Variants in MIPOL1 observed in about 807,000 individuals in gnomAD.
MIPOL1 encodes mirror-image polydactyly gene 1 protein.
In MIPOL1, 57 loss-of-function variants were observed where a neutral mutation model predicts 60.9. That is an observed-to-expected ratio of 0.94 (90% CI 0.76 to 1.17). The LOEUF (loss-of-function observed/expected upper bound fraction) is 1.17, where lower values mean the gene tolerates loss of function less well. MIPOL1 is among the 50% of genes most tolerant of loss of function. MIPOL1 has a pLI of 0.00. For synonymous variants in MIPOL1, 179 were observed against 168.8 expected (o/e 1.06, Z -0.47); for missense variants, 551 against 511.6 (o/e 1.08, Z -0.74).
intron 9 of MIPOL1, among the ~76,000 whole-genome samples, chr14:37,354,186 G>A (rs1334906075): frequency 6.6e-6 from 1 of 151,560 alleles, no homozygotes; most frequent in Non-Finnish European, 1.5e-5. Flanking sequence ...TTCAGGAGCA[G>A]GTTGTTCAGT....
At chr14:37,453,650 A>G (rs1445202000) in intron 11 of MIPOL1, among the ~76,000 whole-genome samples, 1 of 152,166 alleles carries the variant, frequency 6.6e-6, no homozygotes, top group Non-Finnish European at 1.5e-5. Flanking sequence ...TGCCCAAAAA[A>G]GGTACTCACT....
chr14:37,466,645 A>T (rs973643393), intron 11 of MIPOL1, among the ~76,000 whole-genome samples: 13 of 152,176 alleles, frequency 8.5e-5, no homozygotes, highest in Admixed American at 1.3e-4. Flanking sequence ...CATTCTTGTC[A>T]AATCTTTTCG....
Position 37,285,884 on chromosome 14 carries a change from G to A in MIPOL1, c.623+437G>A, listed in dbSNP as rs147127545. ...TGAGATTAGAGGCATGAGCCACCGC[G>A]CCCGGCCTCTCCAGTCTTTTTCTAA... is the stretch of plus-strand genomic sequence containing the variant. On this transcript the variant is annotated intron_variant, in intron 7 of 12. Coordinates refer to ENST00000684589, the MANE Select transcript of MIPOL1 (RefSeq NM_001388067.1). 6.4e-3 allele frequency among the ~76,000 whole-genome samples: 976 copies of A among 152,088 alleles called. 10 individuals are homozygous for A. Among genetic ancestry groups the A allele is most frequent in the African/African-American group, 0.022 (932 of 41,496 alleles).
chr14:37,284,535 G>A (rs2084388950), intron 6 of MIPOL1, among the ~76,000 whole-genome samples: 1 of 151,900 alleles, frequency 6.6e-6, no homozygotes, highest in Admixed American at 6.6e-5. Flanking sequence ...AGTAGAGACG[G>A]GGTTTCACCA....
At chr14:37,274,416 C>T (rs190649938) in intron 6 of MIPOL1, among the ~76,000 whole-genome samples, 1 of 151,440 alleles carries the variant, frequency 6.6e-6, no homozygotes, top group East Asian at 1.9e-4. Context: ...GTCATTGTCA[C>T]CATCATTGAT....
At chr14:37,199,014 A>T (rs1964790144) in intron 1 of MIPOL1, among the ~76,000 whole-genome samples, 1 of 152,238 alleles carries the variant, frequency 6.6e-6, no homozygotes, top group Non-Finnish European at 1.5e-5. Context: ...AGGAATCAAG[A>T]CATGTCATTG....
At chr14:37,501,532 A>C (rs1335679668) in intron 12 of MIPOL1, 1 of 152,204 alleles carries the variant, frequency 6.6e-6, no homozygotes, top group Non-Finnish European at 1.5e-5. Flanking sequence ...ATCAACTATC[A>C]TCATCATTTC....
rs1433970179 is a variant in MIPOL1 at position 37,549,073 on chromosome 14, A to G, written c.*2102A>G. On this transcript the variant is annotated 3_prime_UTR_variant, in exon 13 of 13. Transcript: ENST00000684589. ...TTCTTACACTTAAAAGTGTCCATCA[A>G]CAGTGTGTCAGATGGTCTTTATATA... is the stretch of plus-strand genomic sequence containing the variant. 6.6e-6 allele frequency: 1 copy of G among 151,958 alleles called. No individual in the cohort carries two copies. Among genetic ancestry groups the G allele is most frequent in the Non-Finnish European group, 1.5e-5 (1 of 67,830 alleles). The allele number at this position is 151,958 out of a possible 1,614,324, so 9.4% of individuals were successfully genotyped here.
chr14:37,472,590 T>C (rs1184759154), intron 11 of MIPOL1, among the ~76,000 whole-genome samples: 6 of 152,156 alleles, frequency 3.9e-5, no homozygotes, highest in Non-Finnish European at 8.8e-5. Context: ...ACTAAGTGTC[T>C]TCACTGAAAA....
In MIPOL1 at chr14:37,270,459, A is replaced by G. The variant is rs1027840414; in HGVS notation, c.427A>G (p.Lys143Glu). Residue 143 changes from lysine to glutamate, a missense_variant, in exon 6 of 13, where the codon AAA becomes GAA. Transcript: ENST00000684589. The part of the protein sequence containing the change: ...KLAKEDKEQR[K>E]LKFKLELQEK... Reference sequence around the variant, plus strand: ...GGCTAAAGAAGATAAAGAACAGAGAAAACTAAAGTTTAAGCTGGAACTCCA... The same window carrying G: ...GGCTAAAGAAGATAAAGAACAGAGAGAACTAAAGTTTAAGCTGGAACTCCA... The G allele has an allele frequency of 2.0e-5, 32 of 1,602,670 alleles. No homozygotes were observed. Among genetic ancestry groups the G allele is most frequent in the Non-Finnish European group, 2.6e-5 (31 of 1,174,192 alleles).
intron 6 of MIPOL1, chr14:37,277,588 A>AT (rs1417322183): frequency 6.6e-6 from 1 of 151,310 alleles, no homozygotes; most frequent in African/African-American, 2.4e-5. Context: ...AATGCTTTTG[A>AT]TTCATTGTCT....
rs141588404 is a variant in MIPOL1 at position 37,480,101 on chromosome 14, C to T, written c.1032-19807C>T. Among the ~76,000 whole-genome samples the T allele has an allele frequency of 2.9e-3, 448 of 151,986 alleles. 2 individuals are homozygous for T. The highest frequency in any genetic ancestry group is 0.01 in the African/African-American group (429 of 41,358). On this transcript the variant is annotated intron_variant, in intron 11 of 12. Transcript: ENST00000684589. ...CTGACAACTTCACTGCTGAATTCAA[C>T]CAAACATTTAATGAAGAACTAATCC...
intron 9 of MIPOL1, among the ~76,000 whole-genome samples, chr14:37,366,363 T>C (rs1432539882): frequency 2.0e-5 from 3 of 152,074 alleles, no homozygotes; most frequent in Non-Finnish European, 4.4e-5. Flanking sequence ...TTATCATTTG[T>C]TTCAAGAAGT....
chr14:37,435,403 G>A (rs1431749886), intron 11 of MIPOL1, among the ~76,000 whole-genome samples: 1 of 150,246 alleles, frequency 6.7e-6, no homozygotes, highest in Admixed American at 6.6e-5. Context: ...ATCTAAAATA[G>A]TGTACCCTCT....
intron 10 of MIPOL1, among the ~76,000 whole-genome samples, chr14:37,388,524 T>G (rs2093141903): frequency 6.6e-6 from 1 of 151,464 alleles, no homozygotes; most frequent in Non-Finnish European, 1.5e-5. Flanking sequence ...TCAATTTTGT[T>G]GACAGTAAAT....
chr14:37,314,192 T>C (rs1279092370), intron 9 of MIPOL1, among the ~76,000 whole-genome samples: 4 of 152,216 alleles, frequency 2.6e-5, no homozygotes, highest in African/African-American at 9.6e-5. Flanking sequence ...CCTTTTGTGA[T>C]AATTTAGTGG....
At chr14:37,296,724 G>T (rs981106269) in intron 7 of MIPOL1, among the ~76,000 whole-genome samples, 3 of 152,020 alleles carry the variant, frequency 2.0e-5, no homozygotes, top group Admixed American at 1.3e-4. Context: ...ATAAATTCCT[G>T]GACACATACA....
chr14:37,449,089 G>A (rs533978561), intron 11 of MIPOL1, among the ~76,000 whole-genome samples: 5 of 152,084 alleles, frequency 3.3e-5, no homozygotes, highest in African/African-American at 4.8e-5. Flanking sequence ...ACATTCTTCC[G>A]TCACTTGAGA....
At chr14:37,361,182 A>G (rs1025872365) in intron 9 of MIPOL1, among the ~76,000 whole-genome samples, 1 of 152,174 alleles carries the variant, frequency 6.6e-6, no homozygotes, top group Non-Finnish European at 1.5e-5. Context: ...GGTCTGAGAG[A>G]CAGTTTGTTG....
Sources: allele counts gnomAD v4.1 joint callset (sites outside exome capture counted in the v4.1 genomes callset), GRCh38; gene constraint gnomAD v4.1.1; transcripts MANE v1.5; gene names NCBI Gene and HGNC (gene_info 2026-07-23, HGNC 2026-07-21).